Variants in TAF4 observed in about 807,000 individuals in gnomAD.
TAF4 encodes the protein transcription initiation factor TFIID subunit 4.
A neutral mutation model predicts 90.3 loss-of-function variants in TAF4; 9 were observed. That is an observed-to-expected ratio of 0.10 (90% CI 0.06 to 0.17). TAF4 has a LOEUF of 0.17. TAF4 is among the 10% of genes least tolerant of loss of function. The pLI is 1.00. For missense variants in TAF4, 1,351 were observed against 1,370.7 expected, an observed-to-expected ratio of 0.99 and a Z score of 0.23; for synonymous variants, 818 against 638.9, an observed-to-expected ratio of 1.28 and a Z score of -4.23.
chr20:62,023,747 C>CAAAA (rs59813943), intron 1 of TAF4, among the ~76,000 whole-genome samples: 498 of 58,382 alleles, frequency 8.5e-3, no homozygotes, highest in Middle Eastern at 0.026. Flanking sequence ...GACTCCATCT[C>CAAAA]AAAAAAAAAA....
chr20:62,059,878 T>C (rs1285870103), intron 1 of TAF4, among the ~76,000 whole-genome samples: 1 of 152,244 alleles, frequency 6.6e-6, no homozygotes, highest in African/African-American at 2.4e-5. Flanking sequence ...TAATTATGCT[T>C]TGATCAACTC....
At chr20:62,023,800 T>G (rs866804583) in intron 1 of TAF4, among the ~76,000 whole-genome samples, 5 of 138,150 alleles carry the variant, frequency 3.6e-5, no homozygotes, top group Non-Finnish European at 7.8e-5. Context: ...AAAGCTCCAG[T>G]AATCTCAGGG....
At position 62,065,123 on chromosome 20, in the gene TAF4, TG is replaced by T; in HGVS notation, c.687del (p.Lys230SerfsTer179). 1 of 1,138,818 alleles carries T rather than the reference TG, an allele frequency of 8.8e-7. No homozygotes were observed. The highest frequency in any genetic ancestry group is 1.6e-5 in the South Asian group (1 of 62,288). The allele number at this position is 1,138,818 out of a possible 1,614,324, so 70.5% of individuals were successfully genotyped here. ...ATGACAGTGCCGGGGGCGGCGGGCTTGGGCAGCGGCAGCAGCGCGGCGGGCC... is the reference window on the plus strand; with the variant it reads ...ATGACAGTGCCGGGGGCGGCGGGCTTGGCAGCGGCAGCAGCGCGGCGGGCC... ...NNGPAALLPLPKPAAPGTVIQ... is the reference protein window; with the variant it reads ...NNGPAALLPLXKPAAPGTVIQ... On this transcript the variant is annotated frameshift_variant, in exon 1 of 15. Transcript: ENST00000252996. LOFTEE classifies it high-confidence loss of function.
chr20:62,048,244 G>C (rs914081821), intron 1 of TAF4, among the ~76,000 whole-genome samples: 13 of 152,206 alleles, frequency 8.5e-5, no homozygotes, highest in Admixed American at 6.5e-4. Context: ...TGGGAGTTCT[G>C]TTGTACCACA....
At chr20:61,988,401 G>A (rs578105868) in intron 14 of TAF4, among the ~76,000 whole-genome samples, 59 of 152,218 alleles carry the variant, frequency 3.9e-4, no homozygotes, top group Admixed American at 8.5e-4. Context: ...GTTAAATTAA[G>A]GGAAAAAATC....
intron 1 of TAF4, among the ~76,000 whole-genome samples, chr20:62,032,381 TTC>T (rs1463805586): frequency 6.6e-6 from 1 of 152,230 alleles, no homozygotes; most frequent in African/African-American, 2.4e-5. Context: ...CAAGCATCGC[TTC>T]TCTTCCACAT....
Position 62,065,581 on chromosome 20 carries a change from G to A in TAF4, c.230C>T (p.Ala77Val), listed in dbSNP as rs1471078292. 2 of 980,858 alleles carry A rather than the reference G, an allele frequency of 2.0e-6. No homozygotes were observed. The highest frequency in any genetic ancestry group is 1.2e-4 in the East Asian group (1 of 8,556). 60.8% of individuals were successfully genotyped at this position (980,858 alleles called of 1,614,324 possible). Residue 77 changes from alanine to valine, a missense_variant, in exon 1 of 15, where the codon GCC becomes GTC. Ala to Val is a moderately conservative substitution (Grantham distance 64). Transcript: ENST00000252996. ...CGCTCCGGGCGCGCCCTCGGCGGGG[G>A]CGGCCGGCCCTGCGCCCGCGGCTCC... ...PAGAAGAGPA[A>V]PAEGAPGAAP...
chr20:62,062,338 G>C (rs926489846), intron 1 of TAF4, among the ~76,000 whole-genome samples: 1 of 152,070 alleles, frequency 6.6e-6, no homozygotes, highest in African/African-American at 2.4e-5. Flanking sequence ...CTGATTTACA[G>C]AATTAAGTTG....
rs748707980 is a variant in TAF4, at chr20:61,976,300, C to T, written c.3126G>A (p.Ser1042=). 1.4e-5 allele frequency: 23 copies of T among 1,613,670 alleles called. No individual in the cohort carries two copies. Among genetic ancestry groups the T allele is most frequent in the Non-Finnish European group, 1.8e-5 (21 of 1,180,030 alleles). ...TGAACTGTCTGGGGGTTCCGACACC[C>T]GAGCTGCCTGGGACCACTGAGCCGG... ...SGPGSVVPGS[S]GVGTPRQFTR... is the part of the protein sequence containing the mutation. Residue 1042 remains serine (S), a synonymous_variant, in exon 15 of 15, where the codon TCG becomes TCA. Transcript: ENST00000252996.
In TAF4 at chr20:62,065,841, G is replaced by T. The variant is rs984738797; in HGVS notation, c.-31C>A. 5 of 1,242,016 alleles carry T rather than the reference G, an allele frequency of 4.0e-6. No individual in the cohort carries two copies. The highest frequency in any genetic ancestry group is 3.3e-5 in the African/African-American group (2 of 61,236). The allele number at this position is 1,242,016 out of a possible 1,614,324, so 76.9% of individuals were successfully genotyped here. On this transcript the variant is annotated 5_prime_UTR_variant, in exon 1 of 15. Transcript: ENST00000252996. ...TTCCTCGGCCGCCGCCGCCGCCGCC[G>T]CTCGGGCCGAGCGCGCCTGGGCGAG...
chr20:62,017,896 A>G (rs1023990508), intron 1 of TAF4, among the ~76,000 whole-genome samples: 1 of 152,204 alleles, frequency 6.6e-6, no homozygotes, highest in African/African-American at 2.4e-5. Flanking sequence ...AAAAAAAAGT[A>G]TTAACAAAAT....
chr20:62,017,377 G>A (rs1298810280), intron 1 of TAF4, among the ~76,000 whole-genome samples: 8 of 151,874 alleles, frequency 5.3e-5, no homozygotes, highest in Admixed American at 2.0e-4. Context: ...GGTGGCTCAC[G>A]CCTGTAATCC....
intron 1 of TAF4, among the ~76,000 whole-genome samples, chr20:62,050,471 G>GC (rs1183014090): frequency 6.6e-6 from 1 of 152,072 alleles, no homozygotes; most frequent in Admixed American, 6.5e-5. Flanking sequence ...CCAGACAGGT[G>GC]CCCCCACCCG....
intron 1 of TAF4, among the ~76,000 whole-genome samples, chr20:62,021,535 G>A (rs915862730): frequency 4.6e-5 from 7 of 152,270 alleles, no homozygotes; most frequent in African/African-American, 1.7e-4. Flanking sequence ...GGCCGTGCGC[G>A]CCCAACGCGG....
At chr20:61,978,471 G>A (rs113124187) in intron 14 of TAF4, among the ~76,000 whole-genome samples, 270 of 141,230 alleles carry the variant, frequency 1.9e-3, no homozygotes, top group South Asian at 9.1e-3. Flanking sequence ...AACCAAGGGA[G>A]GGCGCGACAC....
chr20:62,034,468 C>T (rs140956347), intron 1 of TAF4, among the ~76,000 whole-genome samples: 2,718 of 152,200 alleles, frequency 0.018, 85 homozygotes, highest in African/African-American at 0.061. Context: ...GGACTACAGG[C>T]ATGCACCACC....
intron 1 of TAF4, among the ~76,000 whole-genome samples, chr20:62,030,233 C>G (rs1289364835): frequency 6.6e-6 from 1 of 152,236 alleles, no homozygotes; most frequent in African/African-American, 2.4e-5. Flanking sequence ...TGGACACCTG[C>G]ATCTCCACAG....
chr20:62,045,294 C>G (rs1276031939), intron 1 of TAF4, among the ~76,000 whole-genome samples: 1 of 152,248 alleles, frequency 6.6e-6, no homozygotes, highest in Non-Finnish European at 1.5e-5. Flanking sequence ...GAATGTTCTT[C>G]CCTGCCCTTC....
At chr20:62,063,315 G>A (rs1568946128) in intron 1 of TAF4, among the ~76,000 whole-genome samples, 1 of 152,222 alleles carries the variant, frequency 6.6e-6, no homozygotes, top group African/African-American at 2.4e-5. Context: ...TCCATTCAGA[G>A]AGGGGACGCA....
Sources: allele counts gnomAD v4.1 joint callset (sites outside exome capture counted in the v4.1 genomes callset), GRCh38; gene constraint gnomAD v4.1.1; transcripts MANE v1.5; gene names NCBI Gene and HGNC (gene_info 2026-07-23, HGNC 2026-07-21).